Variants in CLSTN2 observed in about 807,000 individuals in gnomAD.
The protein encoded by CLSTN2 is calsyntenin-2.
In CLSTN2, 48 loss-of-function variants were observed where a neutral mutation model predicts 101.2. That is an observed-to-expected ratio of 0.47 (90% CI 0.38 to 0.60). The LOEUF is 0.60. Ranked by LOEUF, CLSTN2 falls within the 20% of genes least tolerant of loss-of-function variation. The pLI is 0.00. For synonymous variants in CLSTN2, 481 were observed against 463.6 expected, an observed-to-expected ratio of 1.04 and a Z score of -0.48; for missense variants, 1,160 against 1,238.2, an observed-to-expected ratio of 0.94 and a Z score of 0.95.
chr3:140,254,503 A>C (rs1559820306), intron 2 of CLSTN2, among the ~76,000 whole-genome samples: 1 of 152,192 alleles, frequency 6.6e-6, no homozygotes, highest in African/African-American at 2.4e-5. Flanking sequence ...ATTTTTAACA[A>C]TTTTAAATTT....
chr3:140,057,476 C>T (rs2008117962), intron 1 of CLSTN2, among the ~76,000 whole-genome samples: 1 of 152,204 alleles, frequency 6.6e-6, no homozygotes, highest in African/African-American at 2.4e-5. Flanking sequence ...CCTTTCATCA[C>T]TAAGGGGATG....
At chr3:140,352,124 A>T (rs914486172) in intron 2 of CLSTN2, among the ~76,000 whole-genome samples, 8 of 152,188 alleles carry the variant, frequency 5.3e-5, no homozygotes, top group African/African-American at 1.7e-4. Flanking sequence ...TAAAGATAAT[A>T]GTTGGATCTT....
intron 1 of CLSTN2, among the ~76,000 whole-genome samples, chr3:140,064,569 T>C (rs1180430562): frequency 6.6e-6 from 1 of 152,180 alleles, no homozygotes; most frequent in Admixed American, 6.5e-5. Flanking sequence ...AACCAAAACT[T>C]ATGGGATGTG....
Position 140,558,837 on chromosome 3 carries a change from C to T in CLSTN2, c.2021C>T (p.Pro674Leu). 1.2e-6 allele frequency: 2 copies of T among 1,613,854 alleles called. No homozygotes were observed. Among genetic ancestry groups the T allele is most frequent in the Non-Finnish European group, 1.7e-6 (2 of 1,179,992 alleles). The change falls in exon 12 of 17, where the codon CCC (proline) becomes CTC (leucine). Residue 674 changes from proline (P) to leucine (L), a missense_variant. By Grantham distance (98) the Pro-to-Leu change is moderately conservative (BLOSUM62 -3). Transcript: ENST00000458420. ...AGCACCTTCGCCAAAACCGAAGCCC[C>T]CGGGGACGTGAAAACCACAGGTACA... ...IVSTFAKTEA[P>L]GDVKTTDPKS...
chr3:140,487,928 G>T (rs895916853), intron 8 of CLSTN2, among the ~76,000 whole-genome samples: 1 of 152,218 alleles, frequency 6.6e-6, no homozygotes, highest in African/African-American at 2.4e-5. Context: ...CCACAATAGG[G>T]TTATAAATAT....
intron 2 of CLSTN2, among the ~76,000 whole-genome samples, chr3:140,386,427 G>A (rs951999813): frequency 2.0e-5 from 3 of 152,140 alleles, no homozygotes; most frequent in African/African-American, 7.2e-5. Context: ...AACACTTGAG[G>A]GGCTGTAAGC....
intron 2 of CLSTN2, among the ~76,000 whole-genome samples, chr3:140,313,396 A>G (rs1444702901): frequency 6.6e-6 from 1 of 152,082 alleles, no homozygotes; most frequent in Admixed American, 6.5e-5. Flanking sequence ...CTAAAAGGGG[A>G]GGAATTTTTT....
intron 8 of CLSTN2, among the ~76,000 whole-genome samples, chr3:140,490,576 C>T (rs1334720138): frequency 2.9e-5 from 4 of 137,038 alleles, no homozygotes; most frequent in African/African-American, 1.1e-4. Context: ...TCCTGGGTGA[C>T]AGAGCGAGAC....
intron 2 of CLSTN2, among the ~76,000 whole-genome samples, chr3:140,223,104 A>G (rs1392853992): frequency 6.6e-6 from 1 of 152,160 alleles, no homozygotes; most frequent in African/African-American, 2.4e-5. Context: ...TACTGAATTG[A>G]GATAATGTTG....
At chr3:140,324,518 A>C (rs946966626) in intron 2 of CLSTN2, among the ~76,000 whole-genome samples, 1 of 152,248 alleles carries the variant, frequency 6.6e-6, no homozygotes, top group Non-Finnish European at 1.5e-5. Flanking sequence ...AAAGTAGACC[A>C]AAATGTTGAC....
chr3:140,177,965 C>T (rs1226555498), intron 2 of CLSTN2, among the ~76,000 whole-genome samples: 1 of 152,148 alleles, frequency 6.6e-6, no homozygotes, highest in East Asian at 1.9e-4. Flanking sequence ...GGCCCTTCCA[C>T]CAAGAAGATC....
chr3:139,969,320 C>T (rs1935655376), intron 1 of CLSTN2, among the ~76,000 whole-genome samples: 1 of 152,192 alleles, frequency 6.6e-6, no homozygotes, highest in African/African-American at 2.4e-5. Flanking sequence ...ACTGCCTACC[C>T]TGGGTGGGTA....
intron 2 of CLSTN2, among the ~76,000 whole-genome samples, chr3:140,402,654 C>T (rs2088255925): frequency 1.3e-5 from 2 of 152,196 alleles, no homozygotes; most frequent in South Asian, 4.1e-4. Flanking sequence ...CCGTAGGTAC[C>T]TTGCTTGCCC....
intron 1 of CLSTN2, among the ~76,000 whole-genome samples, chr3:139,972,064 G>A (rs1408661017): frequency 6.6e-6 from 1 of 152,142 alleles, no homozygotes; most frequent in Non-Finnish European, 1.5e-5. Flanking sequence ...AGGAGTTCAA[G>A]ACCAGCATGG....
intron 1 of CLSTN2, among the ~76,000 whole-genome samples, chr3:140,087,236 G>A (rs1298136445): frequency 6.6e-6 from 1 of 152,246 alleles, no homozygotes; most frequent in East Asian, 1.9e-4. Context: ...CAGGAAGGAG[G>A]GAGAAAGAAG....
intron 1 of CLSTN2, among the ~76,000 whole-genome samples, chr3:140,032,466 A>T (rs1189816119): frequency 6.6e-6 from 1 of 151,498 alleles, no homozygotes; most frequent in Non-Finnish European, 1.5e-5. Flanking sequence ...CCTCCTCAGT[A>T]GCTGGGATTA....
intron 4 of CLSTN2, among the ~76,000 whole-genome samples, chr3:140,410,396 T>C (rs1377204541): frequency 3.6e-5 from 5 of 139,338 alleles, no homozygotes; most frequent in African/African-American, 1.3e-4. Context: ...ATATTTAAGA[T>C]GCTGAAATAA....
At chr3:140,235,158 G>A (rs761756921) in intron 2 of CLSTN2, among the ~76,000 whole-genome samples, 2 of 152,182 alleles carry the variant, frequency 1.3e-5, no homozygotes, top group East Asian at 3.9e-4. Flanking sequence ...GCACATCGAA[G>A]TTTCAAAATA....
chr3:140,494,158 A>G (rs576698854), intron 8 of CLSTN2, among the ~76,000 whole-genome samples: 2 of 152,326 alleles, frequency 1.3e-5, no homozygotes, highest in South Asian at 4.1e-4. Flanking sequence ...CAATTGTGTG[A>G]CCCTCTGCTA....
Sources: allele counts gnomAD v4.1 joint callset (sites outside exome capture counted in the v4.1 genomes callset), GRCh38; gene constraint gnomAD v4.1.1; transcripts MANE v1.5; gene names NCBI Gene and HGNC (gene_info 2026-07-23, HGNC 2026-07-21).